SPTLC1: variants seen among roughly 807,000 people sequenced by gnomAD.
The protein encoded by SPTLC1 is serine palmitoyltransferase 1.
In SPTLC1, 55 loss-of-function variants were observed where a neutral mutation model predicts 68.9. That is an observed-to-expected ratio of 0.80 (90% CI 0.64 to 1.00). SPTLC1 has a LOEUF of 1.00. Among genes scored for constraint, SPTLC1 ranks in the 50% least tolerant of loss-of-function variants. The pLI, the probability that SPTLC1 is intolerant of heterozygous loss-of-function variation, is 0.00. For synonymous variants in SPTLC1, 197 were observed against 201.6 expected (o/e 0.98, Z 0.19); for missense variants, 449 against 573.1 (o/e 0.78, Z 2.21).
chr9:92,084,188 C>G (rs1277793334), intron 3 of SPTLC1, among the ~76,000 whole-genome samples: 1 of 151,360 alleles, frequency 6.6e-6, no homozygotes, highest in Non-Finnish European at 1.5e-5. Context: ...CATCTGCAAA[C>G]AGGGACAATT....
At chr9:92,061,559 AGG>A (rs1834101772) in intron 6 of SPTLC1, among the ~76,000 whole-genome samples, 1 of 152,242 alleles carries the variant, frequency 6.6e-6, no homozygotes, top group African/African-American at 2.4e-5. Flanking sequence ...ATCAGGAAGG[AGG>A]AAGGAGCACA....
chr9:92,070,941 C>T (rs1212824938), intron 5 of SPTLC1, among the ~76,000 whole-genome samples: 1 of 152,130 alleles, frequency 6.6e-6, no homozygotes, highest in African/African-American at 2.4e-5. Context: ...GCCACTTGTT[C>T]AGCTTCTCAC....
intron 5 of SPTLC1, among the ~76,000 whole-genome samples, chr9:92,077,578 C>T (rs1000197766): frequency 2.0e-5 from 3 of 152,194 alleles, no homozygotes; most frequent in African/African-American, 7.2e-5. Flanking sequence ...AACTTACCCA[C>T]ATTCCTGAAA....
intron 3 of SPTLC1, among the ~76,000 whole-genome samples, chr9:92,087,222 T>C (rs1425628115): frequency 6.6e-6 from 1 of 152,240 alleles, no homozygotes; most frequent in Non-Finnish European, 1.5e-5. Flanking sequence ...TTTGATCGTC[T>C]GAAGCCTTCT....
chr9:92,079,664 G>A (rs911480136), intron 5 of SPTLC1: 38 of 1,113,930 alleles, frequency 3.4e-5, no homozygotes, highest in Middle Eastern at 2.0e-4. Context: ...AGCCCCCTGC[G>A]TGGCTAGTCA....
In SPTLC1 at chr9:92,038,247, C is replaced by T; in HGVS notation, c.1254+1G>A. ...GATGCCTCAAGTCAACGGATACTTA[C>T]TTGATCTACAATTTCCTGAAGCAGT... is the stretch of plus-strand genomic sequence containing the variant. On this transcript the variant is annotated splice_donor_variant, in intron 13 of 14. Coordinates refer to ENST00000262554, the MANE Select transcript of SPTLC1 (RefSeq NM_006415.4). LOFTEE classifies it high-confidence loss of function. 1 of 1,604,452 alleles carries T rather than the reference C, an allele frequency of 6.2e-7. No homozygotes were observed. Among genetic ancestry groups the T allele is most frequent in the Non-Finnish European group, 8.5e-7 (1 of 1,171,924 alleles).
In SPTLC1 at chr9:92,059,288, G is replaced by A; in HGVS notation, c.581C>T (p.Ala194Val). Residue 194 changes from alanine (A) to valine (V), a missense_variant, in exon 7 of 15, where the codon GCT (alanine) becomes GTT (valine). Ala to Val is a moderately conservative substitution (Grantham distance 64). Transcript: ENST00000262554. ...GGATGCCTGTAATCCTTTCTGAATA[G>A]CAAAGCAGGCAGCTCTATCTCTGCA... ...IVFVDRAACF[A>V]IQKGLQASRS... The A allele has an allele frequency of 6.2e-7, 1 of 1,614,024 alleles. No homozygotes were observed. The highest frequency in any genetic ancestry group is 8.5e-7 in the Non-Finnish European group (1 of 1,179,988).
chr9:92,080,170 G>C (rs909556760), intron 4 of SPTLC1, 82 bp from the exon 5 acceptor site: 33 of 1,162,772 alleles, frequency 2.8e-5, no homozygotes, highest in Non-Finnish European at 3.7e-5. Flanking sequence ...TTAACCCACA[G>C]AGCTCCTTCC....
intron 3 of SPTLC1, among the ~76,000 whole-genome samples, chr9:92,103,542 A>C (rs1835837624): frequency 6.6e-6 from 1 of 152,222 alleles, no homozygotes; most frequent in Non-Finnish European, 1.5e-5. Flanking sequence ...GAATGACCTG[A>C]GGAATGGTCT....
At position 92,105,184 on chromosome 9, in the gene SPTLC1, G is replaced by A. The variant is rs572917933; in HGVS notation, c.260+3556C>T. On this transcript the variant is annotated intron_variant, in intron 3 of 14. Transcript: ENST00000262554. ...ACAGGTCCCGCAAAAGAAAACTGTC[G>A]GGGCCACCGCTGCAGCTGCAACCGA... The A allele has an allele frequency of 1.2e-4, 180 of 1,534,004 alleles. 1 individual carries two copies. In the South Asian group the frequency reaches 1.8e-3, roughly 15 times the overall value.
chr9:92,071,532 G>A (rs1398699267), intron 5 of SPTLC1, among the ~76,000 whole-genome samples: 1 of 152,184 alleles, frequency 6.6e-6, no homozygotes, highest in Non-Finnish European at 1.5e-5. Flanking sequence ...TTCACATGCG[G>A]TATCTTATGT....
At chr9:92,063,233 T>C (rs1006743233) in intron 6 of SPTLC1, among the ~76,000 whole-genome samples, 35 of 152,170 alleles carry the variant, frequency 2.3e-4, no homozygotes, top group Admixed American at 2.1e-3. Context: ...GGGAATACCA[T>C]GAACAGCACC....
rs150532673 is a variant in SPTLC1 at position 92,074,733 on chromosome 9, C to G, written c.427+5283G>C. On this transcript the variant is annotated intron_variant, in intron 5 of 14. Coordinates refer to ENST00000262554, the MANE Select transcript of SPTLC1 (RefSeq NM_006415.4). ...CTACCTATTCAAAAACCAGATAAAT[C>G]CTACAGGCTAGTCCAAGACCTTCGT... 1.2e-3 allele frequency among the ~76,000 whole-genome samples: 179 copies of G among 152,290 alleles called. 1 individual carries two copies. Among genetic ancestry groups the G allele is most frequent in the African/African-American group, 4.1e-3 (169 of 41,548 alleles).
At chr9:92,113,862 G>A (rs780246322) in intron 1 of SPTLC1, among the ~76,000 whole-genome samples, 1 of 152,194 alleles carries the variant, frequency 6.6e-6, no homozygotes, top group Non-Finnish European at 1.5e-5. Context: ...ATGAATGTAA[G>A]CTCTTTAAGC....
chr9:92,083,792 C>T (rs1834996804), intron 3 of SPTLC1, among the ~76,000 whole-genome samples: 1 of 152,080 alleles, frequency 6.6e-6, no homozygotes, highest in Non-Finnish European at 1.5e-5. Flanking sequence ...TCATTGGTAG[C>T]TTGATGGGGA....
intron 1 of SPTLC1, 56 bp from the exon 2 acceptor site, chr9:92,112,618 C>T (rs2297569): frequency 0.042 from 48,628 of 1,171,070 alleles, 1,372 homozygotes; most frequent in South Asian, 0.085. Context: ...AACACCTGCA[C>T]ATAAAATTTA....
intron 3 of SPTLC1, among the ~76,000 whole-genome samples, chr9:92,101,311 C>G (rs893007862): frequency 4.0e-5 from 6 of 151,612 alleles, no homozygotes; most frequent in Non-Finnish European, 7.4e-5. Context: ...ACCTGTAATC[C>G]CAGCACTTTG....
intron 5 of SPTLC1, chr9:92,079,046 A>G: frequency 2.1e-6 from 2 of 959,464 alleles, no homozygotes; most frequent in Non-Finnish European, 2.5e-6. Flanking sequence ...CCAAAATGCT[A>G]TTTCCAGCAA....
At chr9:92,057,362 G>C (rs1246722367) in intron 7 of SPTLC1, among the ~76,000 whole-genome samples, 1 of 152,188 alleles carries the variant, frequency 6.6e-6, no homozygotes, top group Admixed American at 6.5e-5. Context: ...CCACAGGAAT[G>C]GGTCAAAGGG....
Sources: gnomAD v4.1 joint callset for allele counts (sites outside exome capture counted in the v4.1 genomes callset) on GRCh38, gnomAD v4.1.1 for gene constraint, MANE v1.5 for transcripts, NCBI Gene and HGNC (gene_info 2026-07-23, HGNC 2026-07-21) for gene names.